TRPV3: variants seen among roughly 807,000 people sequenced by gnomAD.
TRPV3 encodes VRL-3.
In TRPV3, 88 loss-of-function variants were observed where a neutral mutation model predicts 87.1. The observed-to-expected ratio is 1.01, with a 90% CI of 0.85 to 1.21. The LOEUF is 1.21. Ranked by LOEUF, TRPV3 falls within the 50% of genes most tolerant of loss-of-function variation. The probability of loss-of-function intolerance (pLI) is 0.00; values close to 1 mark genes in which losing one functional copy is unlikely to be tolerated. For synonymous variants in TRPV3, 438 were observed against 423.3 expected, an observed-to-expected ratio of 1.03 and a Z score of -0.43; for missense variants, 1,054 against 1,030.1, an observed-to-expected ratio of 1.02 and a Z score of -0.32.
rs906418 is a variant in TRPV3 at position 3,513,829 on chromosome 17, C to T, written c.*88G>A. ...TCTAGGCCAGCAGAGCCGGACTCCACCATCCCTCAAAGCCTCTCTGCACAG... is the reference window on the plus strand; with the variant it reads ...TCTAGGCCAGCAGAGCCGGACTCCATCATCCCTCAAAGCCTCTCTGCACAG... On this transcript the variant is annotated 3_prime_UTR_variant, in exon 18 of 18. Coordinates refer to ENST00000576742, the MANE Select transcript of TRPV3 (RefSeq NM_145068.4). 1 allele frequency: 1,166,070 copies of T among 1,167,046 alleles called. 582,549 individuals are homozygous for T. Among genetic ancestry groups the T allele is most frequent in the South Asian group, 1 (77,573 of 77,578 alleles). The allele number at this position is 1,167,046 out of a possible 1,614,324, so 72.3% of individuals were successfully genotyped here.
chr17:3,545,130 G>T, intron 3 of TRPV3, 37 bp downstream of exon 3: 3 of 1,513,824 alleles, frequency 2.0e-6, no homozygotes, highest in Middle Eastern at 1.7e-4. Context: ...TGAGGGCTGG[G>T]CCCAGGGCAA....
chr17:3,534,126 G>A (rs966194873), intron 7 of TRPV3, among the ~76,000 whole-genome samples: 2 of 152,022 alleles, frequency 1.3e-5, no homozygotes, highest in African/African-American at 4.8e-5. Flanking sequence ...CCCAACACCA[G>A]GTCCAACCAG....
rs1371969228 is a variant in TRPV3 at position 3,526,835 on chromosome 17, AG to A, written c.1577+18del. On this transcript the variant is annotated intron_variant, in intron 12 of 17. Coordinates refer to ENST00000576742, the MANE Select transcript of TRPV3 (RefSeq NM_145068.4). ...AACCCTGCCTGTGAGGCGATAACCA[AG>A]GGGCCAGACCTACTTACAAGACAAA... is the stretch of plus-strand genomic sequence containing the variant. 2 of 1,604,326 alleles carry A rather than the reference AG, an allele frequency of 1.2e-6. No homozygotes were observed. The highest frequency in any genetic ancestry group is 4.5e-5 in the East Asian group (2 of 44,652).
intron 2 of TRPV3, chr17:3,553,204 C>T (rs532025465): frequency 6.5e-6 from 1 of 152,712 alleles, no homozygotes; most frequent in Admixed American, 6.5e-5. Context: ...GCTGCCCCCT[C>T]CTCTTTATCC....
intron 9 of TRPV3, 117 bp from the exon 10 acceptor site, chr17:3,529,112 G>A (rs557014049): frequency 3.8e-5 from 44 of 1,171,018 alleles, no homozygotes; most frequent in African/African-American, 1.8e-4. Context: ...CATTATGCCC[G>A]ATGGACTGGT....
intron 4 of TRPV3, 147 bp from the exon 5 acceptor site, chr17:3,543,775 G>C (rs2074492069): frequency 1.9e-6 from 2 of 1,037,558 alleles, no homozygotes; most frequent in African/African-American, 1.6e-5. Context: ...CCTGGGCTCT[G>C]TGTGGACCCA....
chr17:3,525,287 T>G (rs542894663), intron 12 of TRPV3, among the ~76,000 whole-genome samples: 1,536 of 152,354 alleles, frequency 0.01, 18 homozygotes, highest in Middle Eastern at 0.034. Flanking sequence ...CCCAAAGTGC[T>G]GGGATTACAG....
At chr17:3,540,131 CA>C (rs547622749) in intron 6 of TRPV3, among the ~76,000 whole-genome samples, 2 of 151,644 alleles carry the variant, frequency 1.3e-5, no homozygotes, top group Admixed American at 6.6e-5. Flanking sequence ...ATTTTAGATA[CA>C]AAAAAATGCT....
chr17:3,536,273 G>C (rs1435919158), intron 6 of TRPV3, among the ~76,000 whole-genome samples: 1 of 152,214 alleles, frequency 6.6e-6, no homozygotes, highest in Non-Finnish European at 1.5e-5. Flanking sequence ...CTCTCTGGCT[G>C]CAAAAGTGGA....
rs527697650 is a variant in TRPV3 at position 3,525,828 on chromosome 17, T to G, written c.1577+1026A>C. Among the ~76,000 whole-genome samples the G allele has an allele frequency of 1.1e-4, 17 of 152,206 alleles. No individual in the cohort carries two copies. In the South Asian group the frequency reaches 3.5e-3, roughly 32 times the overall value. ...GTAGAGAGAGGGGATTTCACCAGACTGGTCTCAAACTCCTGACCTCAGATG... is the reference window on the plus strand; with the variant it reads ...GTAGAGAGAGGGGATTTCACCAGACGGGTCTCAAACTCCTGACCTCAGATG... On this transcript the variant is annotated intron_variant, in intron 12 of 17. Coordinates refer to ENST00000576742, the MANE Select transcript of TRPV3 (RefSeq NM_145068.4).
At chr17:3,543,409 A>G (rs2074487933) in intron 5 of TRPV3, 65 bp downstream of exon 5, 3 of 1,588,730 alleles carry the variant, frequency 1.9e-6, no homozygotes, top group East Asian at 2.2e-5. Context: ...GGGGAGGGGA[A>G]AATGGGCACC....
chr17:3,522,167 C>T (rs1457765479), intron 13 of TRPV3, among the ~76,000 whole-genome samples: 1 of 152,100 alleles, frequency 6.6e-6, no homozygotes, highest in Non-Finnish European at 1.5e-5. Context: ...ACTATATTTA[C>T]AATTGTGTGT....
At chr17:3,547,849 G>A (rs773462170) in intron 2 of TRPV3, among the ~76,000 whole-genome samples, 76 of 152,278 alleles carry the variant, frequency 5.0e-4, no homozygotes, top group Non-Finnish European at 9.3e-4. Context: ...TAAGAAGCAA[G>A]ACATACACCC....
At chr17:3,539,662 A>G (rs1355714551) in intron 6 of TRPV3, 7 of 151,580 alleles carry the variant, frequency 4.6e-5, no homozygotes, top group Non-Finnish European at 1.0e-4. Flanking sequence ...CAAAAACAAT[A>G]ATAAAATAAA....
At chr17:3,527,041 C>A in intron 11 of TRPV3, 114 bp from the exon 12 acceptor site, 2 of 809,118 alleles carry the variant, frequency 2.5e-6, no homozygotes, top group Non-Finnish European at 4.1e-6. Context: ...TGCACAAAGG[C>A]CCAGCTAGAG....
intron 15 of TRPV3, among the ~76,000 whole-genome samples, chr17:3,517,902 T>A (rs1417901699): frequency 6.7e-6 from 1 of 148,270 alleles, no homozygotes; most frequent in African/African-American, 2.5e-5. Context: ...CGCTGCAACC[T>A]CCACCTCCTG....
intron 14 of TRPV3, among the ~76,000 whole-genome samples, chr17:3,519,214 A>G (rs563807553): frequency 4.5e-4 from 68 of 152,348 alleles, no homozygotes; most frequent in African/African-American, 1.6e-3. Flanking sequence ...TCAAGGCTGT[A>G]AGATCCTGAG....
intron 2 of TRPV3, among the ~76,000 whole-genome samples, chr17:3,546,967 C>CAAAAAAAAAAAAAAAAAAAAAAAA (rs59021941): frequency 8.1e-6 from 1 of 123,596 alleles, no homozygotes. Flanking sequence ...GACTCCTTCT[C>CAAAAAAAAAAAAAAAAAAAAAAAA]AAAAAAAAAA....
rs200570243 is a variant in TRPV3 at position 3,544,968 on chromosome 17, TGG to T, written c.224+197_224+198del. Among the ~76,000 whole-genome samples the T allele has an allele frequency of 1.7e-3, 263 of 152,240 alleles. 2 individuals carry two copies. In the East Asian group the frequency reaches 0.029, roughly 17 times the overall value. The stretch of plus-strand genomic sequence containing the variant: ...GGTGGAGGCTGCAGTGAGCTGAGAT[TGG>T]GCCACTGCACTCCAGCCTGGGCAAC... On this transcript the variant is annotated intron_variant, in intron 3 of 17. Transcript: ENST00000576742.
Sources: allele counts gnomAD v4.1 joint callset (sites outside exome capture counted in the v4.1 genomes callset), GRCh38; gene constraint gnomAD v4.1.1; transcripts MANE v1.5; gene names NCBI Gene and HGNC (gene_info 2026-07-23, HGNC 2026-07-21).